The following ASMTL variants were observed in gnomAD, a reference collection of about 807,000 sequenced individuals.
The protein encoded by ASMTL is probable bifunctional dTTP/UTP pyrophosphatase/methyltransferase protein.
A neutral mutation model predicts 60.3 loss-of-function variants in ASMTL; 57 were observed. The observed-to-expected ratio is 0.95, with a 90% CI of 0.76 to 1.18. The LOEUF (loss-of-function observed/expected upper bound fraction) is 1.18. Among genes scored for constraint, ASMTL ranks in the 50% most tolerant of loss-of-function variants. The pLI is 0.00. For synonymous variants in ASMTL, 419 were observed against 373.0 expected, an observed-to-expected ratio of 1.12 and a Z score of -1.42; for missense variants, 981 against 852.6, an observed-to-expected ratio of 1.15 and a Z score of -1.88.
chrX:1,422,150 C>T (rs191534542), intron 8 of ASMTL, among the ~76,000 whole-genome samples: 6 of 152,258 alleles, frequency 3.9e-5, no homozygotes, highest in African/African-American at 1.2e-4. Context: ...ATCGTGGCCA[C>T]GCTCAAGTTC....
intron 2 of ASMTL, 118 bp from the exon 3 acceptor site, chrX:1,439,262 A>G: frequency 9.7e-7 from 1 of 1,028,138 alleles, no homozygotes; most frequent in South Asian, 1.4e-5. Flanking sequence ...CGACTTTGGA[A>G]GTGAAGGCTG....
chrX:1,426,072 C>T (rs1304688931), intron 7 of ASMTL, among the ~76,000 whole-genome samples: 1 of 151,952 alleles, frequency 6.6e-6, no homozygotes, highest in Non-Finnish European at 1.5e-5. Context: ...GACCCTAATC[C>T]AATAGGACTG....
chrX:1,411,590 G>A (rs6645283), intron 12 of ASMTL, among the ~76,000 whole-genome samples: 64,508 of 135,314 alleles, frequency 0.48, 15,774 homozygotes, highest in African/African-American at 0.69. Context: ...GTGTGTGCAC[G>A]TGTGTCTGCG....
At chrX:1,447,465 C>T (rs1237795187) in intron 1 of ASMTL, among the ~76,000 whole-genome samples, 9 of 151,544 alleles carry the variant, frequency 5.9e-5, no homozygotes, top group African/African-American at 1.7e-4. Flanking sequence ...TGGACACACA[C>T]GGCCATGTTG....
chrX:1,416,994 G>C (rs1346226570), intron 11 of ASMTL, among the ~76,000 whole-genome samples: 1 of 127,806 alleles, frequency 7.8e-6, no homozygotes, highest in Admixed American at 8.7e-5. Context: ...ATACCACACA[G>C]AGATGTGCAC....
chrX:1,444,911 A>G (rs1342174770), intron 1 of ASMTL, among the ~76,000 whole-genome samples: 8 of 152,252 alleles, frequency 5.3e-5, no homozygotes, highest in African/African-American at 1.9e-4. Context: ...CAGGTCTCAG[A>G]AATCCACCTC....
Position 1,421,601 on chromosome X carries a change from A to G in ASMTL, c.1245+57T>C. 6 of 1,587,326 alleles carry G rather than the reference A, an allele frequency of 3.8e-6. No homozygotes were observed. The South Asian group carries it at 6.7e-5, about 18-fold the overall frequency. ...AGGTGCCTACTGATCTGTGTGTCAA[A>G]GTGTTTTAGCAAAATGCACGCTAGA... On this transcript the variant is annotated intron_variant, in intron 9 of 12. Coordinates refer to ENST00000381317, the MANE Select transcript of ASMTL (RefSeq NM_004192.4).
At chrX:1,443,605 C>T (rs2091168361) in intron 1 of ASMTL, among the ~76,000 whole-genome samples, 2 of 149,950 alleles carry the variant, frequency 1.3e-5, no homozygotes, top group Non-Finnish European at 1.5e-5. Context: ...TGGACAGACA[C>T]CGCCATCGTG....
chrX:1,420,960 A>ATT (rs57552675), intron 9 of ASMTL, among the ~76,000 whole-genome samples: 3,025 of 135,462 alleles, frequency 0.022, 157 homozygotes, highest in African/African-American at 0.079. Context: ...CTAATCGTTA[A>ATT]TTTTTTTTTT....
chrX:1,447,996 G>C (rs1455064907), intron 1 of ASMTL, among the ~76,000 whole-genome samples: 2 of 143,790 alleles, frequency 1.4e-5, no homozygotes, highest in Non-Finnish European at 3.0e-5. Context: ...TCTTGGATAA[G>C]AACCACCATC....
At chrX:1,431,061 AT>A (rs1378159257) in intron 6 of ASMTL, among the ~76,000 whole-genome samples, 1 of 125,058 alleles carries the variant, frequency 8.0e-6, no homozygotes, top group African/African-American at 3.4e-5. Context: ...CATATTACAT[AT>A]TATCCATATA....
At chrX:1,440,227 C>T (rs1288902035) in intron 2 of ASMTL, among the ~76,000 whole-genome samples, 23 of 152,030 alleles carry the variant, frequency 1.5e-4, no homozygotes, top group Non-Finnish European at 2.6e-4. Context: ...GCTGGGACTA[C>T]AGGCGCCCGC....
At chrX:1,429,537 C>T (rs1464730896) in intron 6 of ASMTL, among the ~76,000 whole-genome samples, 2 of 151,388 alleles carry the variant, frequency 1.3e-5, no homozygotes, top group Admixed American at 6.6e-5. Context: ...GGGCTGGGCG[C>T]GGTGGCTCCC....
chrX:1,442,526 C>T (rs776963744), intron 1 of ASMTL, among the ~76,000 whole-genome samples: 52 of 152,042 alleles, frequency 3.4e-4, no homozygotes, highest in African/African-American at 1.1e-3. Flanking sequence ...TAGTGGGCCG[C>T]GGACTGACCA....
intron 12 of ASMTL, among the ~76,000 whole-genome samples, chrX:1,406,190 GATGA>G (rs1449202462): frequency 6.0e-4 from 89 of 148,372 alleles, no homozygotes; most frequent in Non-Finnish European, 1.1e-3. Context: ...TGGGTAGATA[GATGA>G]ATGGATGGAT....
intron 3 of ASMTL, among the ~76,000 whole-genome samples, chrX:1,438,028 C>G (rs2091016036): frequency 1.3e-5 from 2 of 152,074 alleles, no homozygotes; most frequent in Non-Finnish European, 2.9e-5. Context: ...GTGGCTCACG[C>G]CTGTCATCCC....
Position 1,421,718 on chromosome X carries a change from G to T in ASMTL, c.1185C>A (p.Ile395=), listed in dbSNP as rs374756969. 1.3e-5 allele frequency: 21 copies of T among 1,613,772 alleles called. No individual in the cohort carries two copies. The highest frequency in any genetic ancestry group is 1.7e-5 in the Non-Finnish European group (20 of 1,179,868). ...WNLFTYLEFA[I]REGTNQHHRA... is the part of the protein sequence containing the mutation. ...TGTGGTGCTGGTTTGTTCCCTCTCG[G>T]ATGGCAAACTCCAGGTATGTAAAGA... The change falls in exon 9 of 13, where the codon ATC becomes ATA. Residue 395 remains isoleucine, a synonymous_variant. Transcript: ENST00000381317.
At chrX:1,451,874 G>C (rs1283496164) in intron 1 of ASMTL, among the ~76,000 whole-genome samples, 3 of 105,104 alleles carry the variant, frequency 2.9e-5, no homozygotes, top group African/African-American at 1.1e-4. Flanking sequence ...TCACTCTGCT[G>C]TCCCCATCCC....
intron 2 of ASMTL, among the ~76,000 whole-genome samples, chrX:1,440,672 G>A (rs1413992893): frequency 6.6e-6 from 1 of 152,020 alleles, no homozygotes; most frequent in African/African-American, 2.4e-5. Flanking sequence ...GGTGGCTCAC[G>A]CCTGTAATCC....
Sources: gnomAD v4.1 joint callset for allele counts (sites outside exome capture counted in the v4.1 genomes callset) on GRCh38, gnomAD v4.1.1 for gene constraint, MANE v1.5 for transcripts, NCBI Gene and HGNC (gene_info 2026-07-23, HGNC 2026-07-21) for gene names.